The following EYS variants were observed in gnomAD, a reference collection of about 807,000 sequenced individuals.
EYS encodes the protein EGF-like photoreceptor maintenance factor, also known as protein eyes shut homolog.
EYS carries 250 observed loss-of-function variants against 282.1 expected under a neutral mutation model. The ratio of observed to expected loss-of-function variants is 0.89; its 90% CI spans 0.80 to 0.98. The LOEUF (loss-of-function observed/expected upper bound fraction) is 0.98, where lower values mean the gene tolerates loss of function less well. EYS is among the 50% of genes least tolerant of loss of function. The probability of loss-of-function intolerance (pLI) is 0.00; values close to 1 mark genes in which losing one functional copy is unlikely to be tolerated. For missense variants in EYS, 4,016 were observed against 3,709.0 expected (o/e 1.08, Z -2.15); for synonymous variants, 1,355 against 1,282.9 (o/e 1.06, Z -1.20).
chr6:64,343,197 C>A (rs1160610344), intron 29 of EYS, among the ~76,000 whole-genome samples: 1 of 152,028 alleles, frequency 6.6e-6, no homozygotes, highest in Non-Finnish European at 1.5e-5. Context: ...AGCTCTGCAC[C>A]AAGCGGACCT....
At chr6:64,727,780 A>G (rs1224549304) in intron 22 of EYS, among the ~76,000 whole-genome samples, 1 of 152,226 alleles carries the variant, frequency 6.6e-6, no homozygotes, top group African/African-American at 2.4e-5. Flanking sequence ...GACTTCATTT[A>G]TGGTTACTGA....
At chr6:64,937,755 T>C (rs562226934) in intron 15 of EYS, among the ~76,000 whole-genome samples, 15 of 151,652 alleles carry the variant, frequency 9.9e-5, no homozygotes, top group Non-Finnish European at 1.5e-4. Context: ...ACAGAGTTAC[T>C]CTATGATCCA....
chr6:65,002,263 G>C (rs1308944025), intron 13 of EYS, among the ~76,000 whole-genome samples: 1 of 147,270 alleles, frequency 6.8e-6, no homozygotes, highest in East Asian at 2.1e-4. Flanking sequence ...ATACAATACT[G>C]ACTTACTTCA....
intron 12 of EYS, among the ~76,000 whole-genome samples, chr6:65,111,123 T>TACA (rs1775202838): frequency 6.6e-6 from 1 of 151,842 alleles, no homozygotes; most frequent in South Asian, 2.1e-4. Context: ...GTAATTACAT[T>TACA]AAAAAAAAGA....
intron 12 of EYS, among the ~76,000 whole-genome samples, chr6:65,210,493 A>C (rs2150251677): frequency 6.6e-6 from 1 of 152,200 alleles, no homozygotes; most frequent in South Asian, 2.1e-4. Context: ...TAAGATAAAA[A>C]GGATAATTTT....
intron 2 of EYS, among the ~76,000 whole-genome samples, chr6:65,583,604 CT>C (rs762953257): frequency 6.6e-6 from 1 of 152,164 alleles, no homozygotes; most frequent in East Asian, 1.9e-4. Context: ...AATATCTTCA[CT>C]TTTTAAAGTG....
chr6:65,424,422 A>C (rs1767586520), intron 5 of EYS, among the ~76,000 whole-genome samples: 1 of 152,002 alleles, frequency 6.6e-6, no homozygotes, highest in Admixed American at 6.6e-5. Context: ...CTTTGGAAAT[A>C]ATGCTTCCTT....
At chr6:64,042,782 G>A (rs1770448566) in intron 33 of EYS, among the ~76,000 whole-genome samples, 3 of 152,090 alleles carry the variant, frequency 2.0e-5, no homozygotes, top group Non-Finnish European at 2.9e-5. Context: ...AGTCGACCAC[G>A]TACTTTTAGG....
chr6:64,473,047 G>A (rs1776163156), intron 26 of EYS, among the ~76,000 whole-genome samples: 1 of 152,116 alleles, frequency 6.6e-6, no homozygotes, highest in Admixed American at 6.5e-5. Flanking sequence ...ATATGTTTAT[G>A]ATAGTTACTA....
At chr6:64,146,891 G>A (rs1322838211) in intron 31 of EYS, among the ~76,000 whole-genome samples, 2 of 152,152 alleles carry the variant, frequency 1.3e-5, no homozygotes, top group Non-Finnish European at 2.9e-5. Flanking sequence ...CATCTAATGG[G>A]TAAATATTTT....
chr6:64,788,383 C>A (rs982544402), intron 22 of EYS, among the ~76,000 whole-genome samples: 10 of 152,124 alleles, frequency 6.6e-5, no homozygotes, highest in African/African-American at 2.2e-4. Context: ...ACACTCAGTG[C>A]GTAGACCTCC....
chr6:65,148,145 T>C (rs147375430), intron 12 of EYS, among the ~76,000 whole-genome samples: 1 of 152,060 alleles, frequency 6.6e-6, no homozygotes, highest in Non-Finnish European at 1.5e-5. Context: ...AAAACATGCA[T>C]TCTCAACAGT....
intron 28 of EYS, among the ~76,000 whole-genome samples, chr6:64,417,671 C>CTTTTTTTTTTTTT (rs11414644): frequency 8.1e-6 from 1 of 124,032 alleles, no homozygotes; most frequent in Non-Finnish European, 1.6e-5. Context: ...TAAGGGTTGG[C>CTTTTTTTTTTTTT]TTTTTTTTTT....
At chr6:64,136,347 C>G (rs1774161606) in intron 31 of EYS, among the ~76,000 whole-genome samples, 1 of 152,042 alleles carries the variant, frequency 6.6e-6, no homozygotes, top group Non-Finnish European at 1.5e-5. Flanking sequence ...GGTTTGGAAT[C>G]AATTTCTTCT....
At chr6:64,861,350 A>C (rs1478830322) in intron 19 of EYS, among the ~76,000 whole-genome samples, 3 of 152,098 alleles carry the variant, frequency 2.0e-5, no homozygotes, top group African/African-American at 7.2e-5. Flanking sequence ...TGCTCACTGG[A>C]GGGGGCACAA....
In EYS at chr6:64,350,174, T is replaced by C. The variant is rs550294646; in HGVS notation, c.6078+38516A>G. On this transcript the variant is annotated intron_variant, in intron 29 of 42. Coordinates refer to ENST00000503581, the MANE Select transcript of EYS (RefSeq NM_001142800.2). The stretch of plus-strand genomic sequence containing the variant: ...TGATAACATTTTTTGTCATACATAA[T>C]ATTCTTCAGATCATCGTATTACTTC... Among the ~76,000 whole-genome samples, 560 of 151,626 alleles carry C rather than the reference T, an allele frequency of 3.7e-3. 2 individuals carry two copies. Among genetic ancestry groups the C allele is most frequent in the African/African-American group, 0.012 (507 of 41,456 alleles).
In EYS at chr6:63,720,676, G is replaced by GA. The variant is rs771640639; in HGVS notation, c.9354dup (p.Gln3119SerfsTer7). 37 of 1,542,308 alleles carry GA rather than the reference G, an allele frequency of 2.4e-5. No individual in the cohort carries two copies. In the South Asian group the frequency reaches 3.9e-4, roughly 16 times the overall value. The stretch of plus-strand genomic sequence containing the variant: ...ATTAGTTCAATGTTTTTTGGTTCCT[G>GA]AAAAAATACAACATCTTTAATTTTG... On this transcript the variant is annotated frameshift_variant, in exon 43 of 43. Transcript: ENST00000503581. LOFTEE classifies it high-confidence loss of function.
At chr6:64,455,668 T>G (rs995255362) in intron 26 of EYS, among the ~76,000 whole-genome samples, 2 of 152,116 alleles carry the variant, frequency 1.3e-5, no homozygotes, top group Non-Finnish European at 2.9e-5. Flanking sequence ...TGTGTTCTCA[T>G]TTTTCAAATC....
intron 5 of EYS, among the ~76,000 whole-genome samples, chr6:65,431,324 T>C (rs778223507): frequency 4.8e-4 from 73 of 152,282 alleles, no homozygotes; most frequent in Admixed American, 1.3e-3. Context: ...CTCAATGCCC[T>C]TTGTGTCAGT....
Sources: allele counts gnomAD v4.1 joint callset (sites outside exome capture counted in the v4.1 genomes callset), GRCh38; gene constraint gnomAD v4.1.1; transcripts MANE v1.5; gene names NCBI Gene and HGNC (gene_info 2026-07-23, HGNC 2026-07-21).